Variants in HLA-F observed in about 807,000 individuals in gnomAD.
The protein encoded by HLA-F is major histocompatibility complex, class I, F.
Under a neutral mutation model 49.5 loss-of-function variants are expected in HLA-F, and 46 were observed. That is an observed-to-expected ratio of 0.93 (90% CI 0.73 to 1.19). The LOEUF is 1.19. HLA-F is among the 50% of genes most tolerant of loss of function. The pLI, the probability that HLA-F is intolerant of heterozygous loss-of-function variation, is 0.00. For missense variants in HLA-F, 496 were observed against 579.6 expected (o/e 0.86, Z 1.48); for synonymous variants, 203 against 233.5 (o/e 0.87, Z 1.19).
chr6:29,727,289 T>C lies in HLA-F; in HGVS notation c.*114T>C. ...ACACCAAAGAAAATAAATAATTCCA[T>C]AATATTATTTAAAGTCCTTTTATGT... is the stretch of plus-strand genomic sequence containing the variant. On this transcript the variant is annotated 3_prime_UTR_variant, in exon 7 of 7. Coordinates refer to ENST00000259951, the MANE Select transcript of HLA-F (RefSeq NM_001098479.2). 1.6e-6 allele frequency: 1 copy of C among 632,666 alleles called. No homozygotes were observed. The highest frequency in any genetic ancestry group is 2.5e-5 in the South Asian group (1 of 40,790). 39.2% of individuals were successfully genotyped at this position (632,666 alleles called of 1,614,324 possible). A position where few individuals can be genotyped will look rare whatever the true frequency, so the allele number is the denominator to read the frequency against.
At chr6:29,736,324 C>A in intron 3 of HLA-F, 1 of 428,144 alleles carries the variant, frequency 2.3e-6, no homozygotes, top group East Asian at 7.1e-5. Context: ...CCCAAGCCTA[C>A]TGCTCTTGTT....
intron 3 of HLA-F, among the ~76,000 whole-genome samples, chr6:29,734,829 C>T (rs1179238148): frequency 6.6e-6 from 1 of 152,166 alleles, no homozygotes; most frequent in Non-Finnish European, 1.5e-5. Flanking sequence ...CCATTTCCTC[C>T]TGCCACCAGA....
chr6:29,731,864 A>C (rs1206133402), downstream of HLA-F, among the ~76,000 whole-genome samples: 1 of 152,178 alleles, frequency 6.6e-6, no homozygotes, highest in Non-Finnish European at 1.5e-5. Context: ...GTATTTGTTA[A>C]ATGAATAAAT....
chr6:29,723,964 C>T (rs1309677788), intron 2 of HLA-F, 37 bp downstream of exon 2: 3 of 1,573,576 alleles, frequency 1.9e-6, no homozygotes, highest in Non-Finnish European at 2.6e-6. Flanking sequence ...GTCACGACCA[C>T]CCCCCATCCG....
chr6:29,732,004 G>A (rs1776667286), downstream of HLA-F, among the ~76,000 whole-genome samples: 1 of 152,096 alleles, frequency 6.6e-6, no homozygotes, highest in Non-Finnish European at 1.5e-5. Flanking sequence ...TCACTCTGTA[G>A]CCCGGTCTGG....
chr6:29,728,383 G>A, downstream of HLA-F: 2 of 310,194 alleles, frequency 6.4e-6, no homozygotes, highest in South Asian at 5.5e-5. Context: ...GAGACTGCAT[G>A]CAGAAGTGAT....
chr6:29,724,112 G>A lies in HLA-F; in HGVS notation c.335-61G>A, dbSNP rs900845318. Reference sequence around the variant, plus strand: ...ATTTTCAGTTTAGGCCAAAATCCCCGCGGGTTGGGCGGGGAGGGGGCGGGG... The same window carrying A: ...ATTTTCAGTTTAGGCCAAAATCCCCACGGGTTGGGCGGGGAGGGGGCGGGG... On this transcript the variant is annotated intron_variant, in intron 2 of 6. Transcript: ENST00000259951. The A allele has an allele frequency of 1.2e-5, 19 of 1,595,220 alleles. No individual in the cohort carries two copies. The Middle Eastern group carries it at 1.2e-3, about 101-fold the overall frequency.
intron 3 of HLA-F, among the ~76,000 whole-genome samples, chr6:29,732,885 T>C (rs1253325946): frequency 6.6e-6 from 1 of 152,038 alleles, no homozygotes; most frequent in African/African-American, 2.4e-5. Flanking sequence ...TAAAAATATA[T>C]ACATAGAGAA....
chr6:29,725,629 G>C, intron 5 of HLA-F, 66 bp downstream of exon 5: 1 of 1,337,790 alleles, frequency 7.5e-7, no homozygotes, highest in East Asian at 2.3e-5. Context: ...GCCCCAAGTA[G>C]AAGTGTGCCC....
intron 1 of HLA-F, 52 bp from the exon 2 acceptor site, chr6:29,723,606 G>A (rs1562284680): frequency 3.8e-6 from 6 of 1,599,992 alleles, no homozygotes; most frequent in Non-Finnish European, 8.5e-7. Context: ...AGGACTCAGG[G>A]AGCCGCCTCC....
At chr6:29,728,114 T>A, downstream of HLA-F, 1 of 518,250 alleles carries the variant, frequency 1.9e-6, no homozygotes, top group South Asian at 1.4e-5. Flanking sequence ...TGACCAGGGA[T>A]GCTGAACATC....
chr6:29,726,276 A>T (rs368301634), intron 6 of HLA-F: 1 of 1,066,528 alleles, frequency 9.4e-7, no homozygotes, highest in Non-Finnish European at 1.5e-6. Flanking sequence ...TTGGGGGGGA[A>T]CAGAGGGGAC....
At chr6:29,725,802 C>G (rs1281605834) in intron 5 of HLA-F, among the ~76,000 whole-genome samples, 1 of 152,202 alleles carries the variant, frequency 6.6e-6, no homozygotes, top group Admixed American at 6.5e-5. Context: ...AGTCACAAAT[C>G]ACAGGGGAAG....
At chr6:29,733,588 C>T (rs1776810206) in intron 3 of HLA-F, among the ~76,000 whole-genome samples, 1 of 152,160 alleles carries the variant, frequency 6.6e-6, no homozygotes, top group African/African-American at 2.4e-5. Flanking sequence ...TGTGAATAGT[C>T]ACTTCTCTCC....
chr6:29,733,635 T>C (rs973532432), intron 3 of HLA-F, among the ~76,000 whole-genome samples: 7 of 152,284 alleles, frequency 4.6e-5, no homozygotes, highest in South Asian at 2.1e-4. Context: ...TCTAAAATAA[T>C]AGTAATACAA....
At chr6:29,727,754 A>G (rs1776243427), downstream of HLA-F, among the ~76,000 whole-genome samples, 1 of 152,122 alleles carries the variant, frequency 6.6e-6, no homozygotes, top group Non-Finnish European at 1.5e-5. Context: ...CTGGGTGTTT[A>G]GTGGGTATGA....
chr6:29,724,408 C>A lies in HLA-F; in HGVS notation c.570C>A (p.Arg190=). ...YLEGECLELL[R]RYLENGKETL... ...AGGGCGAGTGCCTGGAGTTGCTCCGCAGATACTTGGAGAATGGGAAGGAGA... is the reference window on the plus strand; with the variant it reads ...AGGGCGAGTGCCTGGAGTTGCTCCGAAGATACTTGGAGAATGGGAAGGAGA... The change falls in exon 3 of 7, where the codon CGC becomes CGA. Residue 190 remains arginine (R), a synonymous_variant. Transcript: ENST00000259951. 2 of 1,613,292 alleles carry A rather than the reference C, an allele frequency of 1.2e-6. No individual in the cohort carries two copies. Among genetic ancestry groups the A allele is most frequent in the Non-Finnish European group, 8.5e-7 (1 of 1,180,040 alleles).
chr6:29,726,537 T>C, intron 6 of HLA-F: 1 of 1,522,628 alleles, frequency 6.6e-7, no homozygotes, highest in East Asian at 2.4e-5. Flanking sequence ...CAGGTAGATA[T>C]GTTTTTATAG....
chr6:29,728,097 T>A (rs1001519169), downstream of HLA-F: 2 of 518,742 alleles, frequency 3.9e-6, no homozygotes, highest in South Asian at 1.4e-5. Context: ...CAGCATCTTG[T>A]GGGGAATGAC....
Sources: allele counts gnomAD v4.1 joint callset (sites outside exome capture counted in the v4.1 genomes callset), GRCh38; gene constraint gnomAD v4.1.1; transcripts MANE v1.5; gene names NCBI Gene and HGNC (gene_info 2026-07-23, HGNC 2026-07-21).